The following RBFOX3 variants were observed in gnomAD, a reference collection of about 807,000 sequenced individuals.
RBFOX3 encodes RNA binding fox-1 homolog 3, also known as RNA binding protein fox-1 homolog 3.
A neutral mutation model predicts 48.7 loss-of-function variants in RBFOX3; 17 were observed. The ratio of observed to expected loss-of-function variants is 0.35; its 90% CI spans 0.24 to 0.52. The LOEUF is 0.52. Ranked by LOEUF, RBFOX3 falls within the 20% of genes least tolerant of loss-of-function variation. RBFOX3 has a pLI of 0.94. For missense variants in RBFOX3, 382 were observed against 497.5 expected, an observed-to-expected ratio of 0.77 and a Z score of 2.21; for synonymous variants, 212 against 209.5, an observed-to-expected ratio of 1.01 and a Z score of -0.10.
In RBFOX3 at chr17:79,477,825, T is replaced by C. The variant is rs1477166523; in HGVS notation, c.-175+4629A>G. On this transcript the variant is annotated intron_variant, in intron 2 of 14. Coordinates refer to ENST00000693108, the MANE Select transcript of RBFOX3 (RefSeq NM_001350451.2). This position sits in a 1 kb window ranked among gnomAD's most constrained non-coding sequence, Gnocchi z 4.8. ...CACAGAAGTTTTTAGGACCCAAGTC[T>C]CCAAAGACTGGCTCAAACTAAAGTC... Among the ~76,000 whole-genome samples, 1 of 152,148 alleles carries C rather than the reference T, an allele frequency of 6.6e-6. No individual in the cohort carries two copies. The highest frequency in any genetic ancestry group is 1.5e-5 in the Non-Finnish European group (1 of 68,026).
chr17:79,144,443 T>C (rs1442567188), intron 4 of RBFOX3, among the ~76,000 whole-genome samples: 1 of 152,212 alleles, frequency 6.6e-6, no homozygotes, highest in African/African-American at 2.4e-5. Flanking sequence ...AGCTGCCTCC[T>C]GCAGGCCTCA....
At chr17:79,170,075 C>T (rs766083612) in intron 4 of RBFOX3, among the ~76,000 whole-genome samples, 13 of 112,432 alleles carry the variant, frequency 1.2e-4, no homozygotes, top group African/African-American at 1.8e-4. Context: ...AGAAAGGAAA[C>T]GGAGGAAGGA....
intron 2 of RBFOX3, among the ~76,000 whole-genome samples, chr17:79,360,493 G>C (rs72849695): frequency 0.14 from 20,785 of 152,134 alleles, 1,705 homozygotes; most frequent in Middle Eastern, 0.2. Flanking sequence ...CAGCAGGGAC[G>C]TGAACAGTTT....
At chr17:79,229,427 T>C (rs1210984926) in intron 4 of RBFOX3, among the ~76,000 whole-genome samples, 1 of 151,144 alleles carries the variant, frequency 6.6e-6, no homozygotes, top group Non-Finnish European at 1.5e-5. Context: ...AGTGTGGTGG[T>C]GCACATCTGC....
In RBFOX3 at chr17:79,097,412, G is replaced by T. The variant is rs2075541442; in HGVS notation, c.635C>A (p.Pro212His). 6.5e-7 allele frequency: 1 copy of T among 1,546,918 alleles called. No individual in the cohort carries two copies. The change falls in exon 11 of 15, where the codon CCC becomes CAC. Residue 212 changes from proline to histidine, a missense_variant. Pro to His is a moderately conservative substitution (Grantham distance 77). Transcript: ENST00000693108. ...GPEFYAVTGF[P>H]YPTTGTAVAY... ...AACGGCTGTGCCGGTGGTGGGGTAG[G>T]GGAACCCCGTCACTGCAGGAAACGG...
chr17:79,470,038 G>A (rs1010010973), intron 2 of RBFOX3, among the ~76,000 whole-genome samples: 1 of 152,154 alleles, frequency 6.6e-6, no homozygotes, highest in Non-Finnish European at 1.5e-5. Flanking sequence ...GTAGGCACGT[G>A]TGGGGCCTCC....
At chr17:79,559,643 G>GGTGGA (rs2092051671) in intron 1 of RBFOX3, among the ~76,000 whole-genome samples, 2 of 108,450 alleles carry the variant, frequency 1.8e-5, no homozygotes, top group African/African-American at 3.3e-5. Flanking sequence ...ATGGTGAATA[G>GGTGGA]TGGATGGGTG....
the RBFOX3 span, among the ~76,000 whole-genome samples, chr17:79,663,586 G>A: frequency 4.8e-4 from 73 of 152,186 alleles, no homozygotes; most frequent in African/African-American, 1.7e-3. Flanking sequence ...TTGCCACTTC[G>A]CCCAGACCTC....
intron 1 of RBFOX3, among the ~76,000 whole-genome samples, chr17:79,568,265 T>C (rs1466317498): frequency 2.0e-5 from 3 of 152,178 alleles, no homozygotes; most frequent in Non-Finnish European, 4.4e-5. Context: ...AGCAAGTCCA[T>C]GTGCTGAGAG....
intron 4 of RBFOX3, among the ~76,000 whole-genome samples, chr17:79,162,981 T>C (rs1364590848): frequency 6.6e-6 from 1 of 152,218 alleles, no homozygotes; most frequent in African/African-American, 2.4e-5. Flanking sequence ...GTCTGTGACA[T>C]GCAGCTCTCG....
intron 4 of RBFOX3, among the ~76,000 whole-genome samples, chr17:79,215,583 G>A (rs1285992098): frequency 6.6e-6 from 1 of 152,186 alleles, no homozygotes; most frequent in Non-Finnish European, 1.5e-5. Flanking sequence ...CAGTCAGCTG[G>A]TGCCCTGGGT....
Position 79,405,034 on chromosome 17 carries a change from A to C in RBFOX3, c.-175+77420T>G, listed in dbSNP as rs558271910. Among the ~76,000 whole-genome samples the C allele has an allele frequency of 1.2e-3, 183 of 152,310 alleles. 1 individual carries two copies. The highest frequency in any genetic ancestry group is 3.4e-3 in the Middle Eastern group (1 of 294). On this transcript the variant is annotated intron_variant, in intron 2 of 14. Transcript: ENST00000693108. The stretch of plus-strand genomic sequence containing the variant: ...AGGATGCTGGGACTCCCAGACTATG[A>C]GGGCCTCCCAAGCAATCACCACAGT...
At chr17:79,213,587 C>G (rs1297366839) in intron 4 of RBFOX3, among the ~76,000 whole-genome samples, 1 of 152,196 alleles carries the variant, frequency 6.6e-6, no homozygotes, top group Non-Finnish European at 1.5e-5. Context: ...TGTCACTCCC[C>G]CTTTATCCAC....
chr17:79,613,116 C>T (rs2145592197), upstream of RBFOX3, among the ~76,000 whole-genome samples: 1 of 152,340 alleles, frequency 6.6e-6, no homozygotes, highest in Non-Finnish European at 1.5e-5. Context: ...AGAGGGGTCC[C>T]TGCAAAGCAT....
At position 79,103,674 on chromosome 17, in the gene RBFOX3, A is replaced by T. The variant is rs2076857569; in HGVS notation, c.414+399T>A. On this transcript the variant is annotated intron_variant, in intron 7 of 14. Transcript: ENST00000693108. The surrounding 1 kb of genome is among the most constrained non-coding windows in gnomAD (Gnocchi z 6.1). ...CATCTCCACCCTCGGAGCCCAGGGT[A>T]GAGGGTCGTGCCTTCCTGGAAGGGG... Among the ~76,000 whole-genome samples, 1 of 152,044 alleles carries T rather than the reference A, an allele frequency of 6.6e-6. No homozygotes were observed. The highest frequency in any genetic ancestry group is 2.4e-5 in the African/African-American group (1 of 41,404).
chr17:79,091,672 T>C (rs988755628), intron 14 of RBFOX3, among the ~76,000 whole-genome samples: 5 of 152,316 alleles, frequency 3.3e-5, no homozygotes, highest in South Asian at 2.1e-4. Flanking sequence ...TCAGCTCTCC[T>C]GCCTGCTGAG....
At chr17:79,509,979 T>C (rs2083864219) in intron 1 of RBFOX3, among the ~76,000 whole-genome samples, 2 of 152,188 alleles carry the variant, frequency 1.3e-5, no homozygotes, top group African/African-American at 4.8e-5. Flanking sequence ...AATATGCACA[T>C]ATTACCTTCA....
Position 79,443,078 on chromosome 17 carries a change from A to G in RBFOX3, c.-175+39376T>C, listed in dbSNP as rs2071480286. On this transcript the variant is annotated intron_variant, in intron 2 of 14. Transcript: ENST00000693108. This position sits in a 1 kb window ranked among gnomAD's most constrained non-coding sequence, Gnocchi z 4.4. ...AGGTCCTCACAGGCCAAAGGTGCAC[A>G]TGGACGAGACAGTGGTGGCCTCTGC... Among the ~76,000 whole-genome samples, 1 of 152,208 alleles carries G rather than the reference A, an allele frequency of 6.6e-6. No homozygotes were observed. Among genetic ancestry groups the G allele is most frequent in the Non-Finnish European group, 1.5e-5 (1 of 68,022 alleles).
At chr17:79,255,254 C>A (rs1201322370) in intron 3 of RBFOX3, among the ~76,000 whole-genome samples, 2 of 121,726 alleles carry the variant, frequency 1.6e-5, no homozygotes, top group African/African-American at 6.1e-5. Context: ...TGTGTGTGTA[C>A]TGGGGGTGTG....
Sources: gnomAD v4.1 joint callset for allele counts (sites outside exome capture counted in the v4.1 genomes callset) on GRCh38, gnomAD v4.1.1 for gene constraint, Gnocchi (gnomAD v3.1) non-coding constraint, MANE v1.5 for transcripts, NCBI Gene and HGNC (gene_info 2026-07-23, HGNC 2026-07-21) for gene names.